IRF6: variants seen among roughly 807,000 people sequenced by gnomAD.
IRF6 encodes Van der Woude syndrome.
A neutral mutation model predicts 51.4 loss-of-function variants in IRF6; 6 were observed. The observed-to-expected ratio is 0.12, with a 90% confidence interval of 0.06 to 0.23. IRF6 has a LOEUF of 0.23. Among genes scored for constraint, IRF6 ranks in the 10% least tolerant of loss-of-function variants. The probability of loss-of-function intolerance (pLI) is 1.00; values close to 1 mark genes in which losing one functional copy is unlikely to be tolerated. For synonymous variants in IRF6, 178 were observed against 215.7 expected, an observed-to-expected ratio of 0.83 and a Z score of 1.53; for missense variants, 348 against 585.2, an observed-to-expected ratio of 0.59 and a Z score of 4.18.
chr1:209,795,459 T>G (rs1163346714), intron 4 of IRF6, 41 bp from the exon 5 acceptor site: 4 of 1,611,760 alleles, frequency 2.5e-6, no homozygotes, highest in Non-Finnish European at 3.4e-6. Flanking sequence ...CCATTCAGGT[T>G]GCACTGCCAC....
At chr1:209,797,154 C>T (rs970415619) in intron 3 of IRF6, among the ~76,000 whole-genome samples, 2 of 151,926 alleles carry the variant, frequency 1.3e-5, no homozygotes, top group Non-Finnish European at 2.9e-5. Flanking sequence ...GGGTGGATCA[C>T]GAGGTCAGGA....
At position 209,788,193 on chromosome 1, in the gene IRF6, T is replaced by C. The variant is rs1259515274; in HGVS notation, c.*227A>G. ...ACTCCCAGGCCAAATCTCCTTCTAC[T>C]ATGCTATATCATACTACCATTAGGA... On this transcript the variant is annotated 3_prime_UTR_variant, in exon 9 of 9. Coordinates refer to ENST00000367021, the MANE Select transcript of IRF6 (RefSeq NM_006147.4). 5.4e-6 allele frequency: 3 copies of C among 552,496 alleles called. No homozygotes were observed. The highest frequency in any genetic ancestry group is 6.5e-6 in the Non-Finnish European group (2 of 310,058). The allele number at this position is 552,496 out of a possible 1,614,324, so 34.2% of individuals were successfully genotyped here.
At position 209,790,397 on chromosome 1, in the gene IRF6, C is replaced by T; in HGVS notation, c.1060+98G>A. 7.0e-7 allele frequency: 1 copy of T among 1,422,270 alleles called. No homozygotes were observed. The highest frequency in any genetic ancestry group is 9.9e-7 in the Non-Finnish European group (1 of 1,011,762). The allele number at this position is 1,422,270 out of a possible 1,614,324, so 88.1% of individuals were successfully genotyped here. A position where few individuals can be genotyped will look rare whatever the true frequency, so the allele number is the denominator to read the frequency against. On this transcript the variant is annotated intron_variant, in intron 7 of 8. Coordinates refer to ENST00000367021, the MANE Select transcript of IRF6 (RefSeq NM_006147.4). This position sits in a 1 kb window ranked among gnomAD's most constrained non-coding sequence, Gnocchi z 4.8. The stretch of plus-strand genomic sequence containing the variant: ...CAGACTAAATTTTTTAAGATCTTTG[C>T]CATGCCAGGAAAGCAGGAAGGTGAA...
chr1:209,805,413 G>A (rs550494700), intron 1 of IRF6, among the ~76,000 whole-genome samples: 3 of 152,204 alleles, frequency 2.0e-5, no homozygotes, highest in Non-Finnish European at 2.9e-5. Context: ...ACCTAGCTCC[G>A]CTCCTTGGAA....
At chr1:209,804,815 C>G (rs2077963899) in intron 1 of IRF6, among the ~76,000 whole-genome samples, 1 of 152,152 alleles carries the variant, frequency 6.6e-6, no homozygotes, top group South Asian at 2.1e-4. Context: ...GGGGCACTGC[C>G]ACACAAAAGC....
At chr1:209,789,618 A>G in intron 8 of IRF6, 49 bp downstream of exon 8, 2 of 1,366,860 alleles carry the variant, frequency 1.5e-6, no homozygotes, top group Non-Finnish European at 2.1e-6. Context: ...TGGGGGCTTA[A>G]GCATTGGCAA....
At chr1:209,805,537 T>C (rs576728557) in intron 1 of IRF6, among the ~76,000 whole-genome samples, 2 of 152,272 alleles carry the variant, frequency 1.3e-5, no homozygotes, top group East Asian at 3.9e-4. Flanking sequence ...CACTCCAGTT[T>C]CCCAAAACGC....
At chr1:209,799,391 T>C (rs967249202) in intron 3 of IRF6, among the ~76,000 whole-genome samples, 1 of 152,174 alleles carries the variant, frequency 6.6e-6, no homozygotes, top group Non-Finnish European at 1.5e-5. Context: ...TTGGCTTCTG[T>C]ATCAACAACA....
rs1435979627 is a variant in IRF6, at chr1:209,790,570, G to C, written c.985C>G (p.Pro329Ala). The C allele has an allele frequency of 6.2e-7, 1 of 1,614,092 alleles. No homozygotes were observed. Among genetic ancestry groups the C allele is most frequent in the African/African-American group, 1.3e-5 (1 of 74,932 alleles). Residue 329 changes from proline (P) to alanine (A), a missense_variant, in exon 7 of 9, where the codon CCA becomes GCA. By Grantham distance (27) the Pro-to-Ala change is conservative. Coordinates refer to ENST00000367021, the MANE Select transcript of IRF6 (RefSeq NM_006147.4). This position sits in a 1 kb window ranked among gnomAD's most constrained non-coding sequence, Gnocchi z 4.8. ...CKVYWSGPCA[P>A]SLVAPNLIER... Reference sequence around the variant, plus strand: ...ATCAGGTTGGGAGCAACAAGTGATGGGGCACATGGCCCAGACCAGTACACC... The same window carrying C: ...ATCAGGTTGGGAGCAACAAGTGATGCGGCACATGGCCCAGACCAGTACACC...
In IRF6 at chr1:209,788,175, G is replaced by A. The variant is rs776998909; in HGVS notation, c.*245C>T. The stretch of plus-strand genomic sequence containing the variant: ...TAGAACTTTGGTGTCCAAACTCCCA[G>A]GCCAAATCTCCTTCTACTATGCTAT... On this transcript the variant is annotated 3_prime_UTR_variant, in exon 9 of 9. Transcript: ENST00000367021. 1.7e-5 allele frequency: 9 copies of A among 515,858 alleles called. No individual in the cohort carries two copies. Among genetic ancestry groups the A allele is most frequent in the Non-Finnish European group, 2.4e-5 (7 of 287,658 alleles). 32.0% of individuals were successfully genotyped at this position (515,858 alleles called of 1,614,324 possible). A position where few individuals can be genotyped will look rare whatever the true frequency, so the allele number is the denominator to read the frequency against.
chr1:209,799,289 G>A (rs1362835475), intron 3 of IRF6, among the ~76,000 whole-genome samples: 2 of 152,086 alleles, frequency 1.3e-5, no homozygotes, highest in South Asian at 2.1e-4. Context: ...ATAATGGGGG[G>A]TGGGATGCAG....
chr1:209,789,541 T>A lies in IRF6; in HGVS notation c.1179+126A>T, dbSNP rs1047685405. The A allele has an allele frequency of 3.9e-6, 3 of 772,410 alleles. No homozygotes were observed. In the Admixed American group the frequency reaches 5.3e-5, roughly 14 times the overall value. 47.8% of individuals were successfully genotyped at this position (772,410 alleles called of 1,614,324 possible). On this transcript the variant is annotated intron_variant, in intron 8 of 8. Transcript: ENST00000367021. ...TCCTACTGCACAAACCTGAGTCTGT[T>A]ACCCCATCTGATGAGACTGAAACCT...
At chr1:209,805,031 T>C (rs1053584789) in intron 1 of IRF6, among the ~76,000 whole-genome samples, 2 of 152,162 alleles carry the variant, frequency 1.3e-5, no homozygotes, top group Non-Finnish European at 2.9e-5. Context: ...TCCCTTCTGC[T>C]GGATGGAAGC....
intron 5 of IRF6, among the ~76,000 whole-genome samples, chr1:209,794,938 C>A (rs2077891614): frequency 6.6e-6 from 1 of 152,132 alleles, no homozygotes; most frequent in Non-Finnish European, 1.5e-5. Context: ...AAGAGTTTGC[C>A]CGTAACTCGA....
rs1418967379 is a variant in IRF6 at position 209,796,310 on chromosome 1, C to T, written c.379+38G>A. ...CTTAAGAGTGCAGCCCAGAATCTGGCATGCTGCCCACCTTCTCCCCAGCAC... is the reference window on the plus strand; with the variant it reads ...CTTAAGAGTGCAGCCCAGAATCTGGTATGCTGCCCACCTTCTCCCCAGCAC... On this transcript the variant is annotated intron_variant, in intron 4 of 8. Coordinates refer to ENST00000367021, the MANE Select transcript of IRF6 (RefSeq NM_006147.4). This position sits in a 1 kb window ranked among gnomAD's most constrained non-coding sequence, Gnocchi z 4.5. 2 of 1,553,140 alleles carry T rather than the reference C, an allele frequency of 1.3e-6. No individual in the cohort carries two copies. Among genetic ancestry groups the T allele is most frequent in the East Asian group, 2.2e-5 (1 of 44,600 alleles).
chr1:209,795,995 T>C (rs962728555), intron 4 of IRF6, among the ~76,000 whole-genome samples: 2 of 152,154 alleles, frequency 1.3e-5, no homozygotes, highest in South Asian at 4.1e-4. Context: ...GTCCCACAAG[T>C]AGTAAAGTGA....
chr1:209,792,466 C>T (rs1300682386), intron 5 of IRF6, 39 bp from the exon 6 acceptor site: 2 of 1,606,720 alleles, frequency 1.2e-6, no homozygotes, highest in East Asian at 2.2e-5. Context: ...AGGGGTACCA[C>T]ACGTGCACAT....
chr1:209,794,885 T>C (rs2077891313), intron 5 of IRF6, among the ~76,000 whole-genome samples: 1 of 152,212 alleles, frequency 6.6e-6, no homozygotes, highest in African/African-American at 2.4e-5. Flanking sequence ...GAGTAGTCCT[T>C]GTGAAGGAAG....
chr1:209,789,595 C>T, intron 8 of IRF6, 72 bp downstream of exon 8: 5 of 1,094,902 alleles, frequency 4.6e-6, no homozygotes, highest in Non-Finnish European at 7.1e-6. Context: ...TTGATGAGGG[C>T]TCAACCCAGA....
Sources: allele counts gnomAD v4.1 joint callset (sites outside exome capture counted in the v4.1 genomes callset), GRCh38; gene constraint gnomAD v4.1.1; non-coding constraint Gnocchi (gnomAD v3.1); transcripts MANE v1.5; gene names NCBI Gene and HGNC (gene_info 2026-07-23, HGNC 2026-07-21).